Variants in DOCK1 observed in about 807,000 individuals in gnomAD.
The protein encoded by DOCK1 is dedicator of cytokinesis protein 1.
DOCK1 carries 138 observed loss-of-function variants against 262.7 expected under a neutral mutation model. That is an observed-to-expected ratio of 0.53 (90% CI 0.46 to 0.61). DOCK1 has a LOEUF of 0.61. DOCK1 is among the 20% of genes least tolerant of loss of function. DOCK1 has a pLI of 0.00. For synonymous variants in DOCK1, 866 were observed against 867.4 expected (o/e 1.00, Z 0.03); for missense variants, 1,908 against 2,370.7 (o/e 0.80, Z 4.05).
At chr10:127,328,868 A>T (rs1364245395) in intron 29 of DOCK1, among the ~76,000 whole-genome samples, 1 of 151,988 alleles carries the variant, frequency 6.6e-6, no homozygotes, top group Non-Finnish European at 1.5e-5. Flanking sequence ...TATGAGTCCC[A>T]TGCCTGCAGT....
intron 25 of DOCK1, among the ~76,000 whole-genome samples, chr10:127,110,901 A>T (rs2048826957): frequency 6.6e-6 from 1 of 152,138 alleles, no homozygotes; most frequent in Admixed American, 6.5e-5. Context: ...GGACAGATTA[A>T]ATTAATATTT....
intron 25 of DOCK1, among the ~76,000 whole-genome samples, chr10:127,121,380 TAGG>T (rs1443931509): frequency 6.6e-6 from 1 of 152,092 alleles, no homozygotes; most frequent in Non-Finnish European, 1.5e-5. Context: ...CATAGGAAGA[TAGG>T]AGATTCCTCT....
intron 27 of DOCK1, among the ~76,000 whole-genome samples, chr10:127,156,509 TCTTTTCTTTA>T (rs753036630): frequency 1.3e-5 from 2 of 151,888 alleles, no homozygotes; most frequent in Non-Finnish European, 1.5e-5. Context: ...TCTTTTCTTC[TCTTTTCTTTA>T]CTTTTCTTTT....
At chr10:126,996,678 G>A in intron 6 of DOCK1, 70 bp from the exon 7 acceptor site, 1 of 1,438,716 alleles carries the variant, frequency 7.0e-7, no homozygotes, top group African/African-American at 1.5e-5. Context: ...TTGCTGTGGT[G>A]GAAGTTGTGC....
intron 24 of DOCK1, among the ~76,000 whole-genome samples, chr10:127,107,976 ATTGACGCTCACAGTT>A (rs1295546144): frequency 1.3e-5 from 2 of 152,146 alleles, no homozygotes; most frequent in African/African-American, 4.8e-5. Context: ...GGAGGGTATC[ATTGACGCTCACAGTT>A]TGTGGTTGAG....
chr10:127,092,836 A>G (rs1213685432), intron 23 of DOCK1, among the ~76,000 whole-genome samples: 7 of 152,284 alleles, frequency 4.6e-5, no homozygotes, highest in Non-Finnish European at 8.8e-5. Flanking sequence ...CAGAATGAAA[A>G]TGGAAGGAAA....
At chr10:126,923,992 C>T (rs2033458579) in intron 1 of DOCK1, among the ~76,000 whole-genome samples, 1 of 152,204 alleles carries the variant, frequency 6.6e-6, no homozygotes, top group Non-Finnish European at 1.5e-5. Flanking sequence ...AAATGAATTT[C>T]CATTGTTTGT....
intron 7 of DOCK1, among the ~76,000 whole-genome samples, chr10:126,997,642 T>TAC (rs376034459): frequency 2.2e-4 from 33 of 151,810 alleles, no homozygotes; most frequent in East Asian, 1.2e-3. Flanking sequence ...TATATATATA[T>TAC]ACACACACAC....
In DOCK1 at chr10:127,448,332, G is replaced by A. The variant is rs1026888778; in HGVS notation, c.5565+787G>A. ...AAACAGCCCCTGGGCCTGCCTGCCCGTACAAATATTAGTCAAAGTCATGAA... is the reference window on the plus strand; with the variant it reads ...AAACAGCCCCTGGGCCTGCCTGCCCATACAAATATTAGTCAAAGTCATGAA... On this transcript the variant is annotated intron_variant, in intron 51 of 51. Coordinates refer to ENST00000623213, the MANE Select transcript of DOCK1 (RefSeq NM_001290223.2). Among the ~76,000 whole-genome samples the A allele has an allele frequency of 3.3e-5, 5 of 152,316 alleles. 1 individual carries two copies. The highest frequency in any genetic ancestry group is 7.2e-5 in the African/African-American group (3 of 41,572).
chr10:126,990,330 C>T (rs2039702224), intron 5 of DOCK1, 125 bp from the exon 6 acceptor site: 1 of 986,232 alleles, frequency 1.0e-6, no homozygotes, highest in African/African-American at 1.7e-5. Flanking sequence ...TTTAATTCAA[C>T]ATTAACTAAA....
chr10:127,132,830 C>G (rs2486967), intron 27 of DOCK1, among the ~76,000 whole-genome samples: 150,474 of 152,326 alleles, frequency 0.99, 74,324 homozygotes, highest in East Asian at 1. Flanking sequence ...GACTTCTAAA[C>G]ATTTTTCTTT....
At chr10:127,209,043 G>A (rs2057850890) in intron 27 of DOCK1, among the ~76,000 whole-genome samples, 1 of 152,058 alleles carries the variant, frequency 6.6e-6, no homozygotes, top group Admixed American at 6.6e-5. Flanking sequence ...TTTTTTTCAT[G>A]TGTGTTTAAC....
intron 23 of DOCK1, among the ~76,000 whole-genome samples, chr10:127,101,963 T>G (rs2048279858): frequency 6.6e-6 from 1 of 152,100 alleles, no homozygotes; most frequent in Non-Finnish European, 1.5e-5. Context: ...ACACTGAGGT[T>G]GTGGAAGCAG....
intron 27 of DOCK1, among the ~76,000 whole-genome samples, chr10:127,160,619 T>C (rs1029983998): frequency 6.6e-5 from 10 of 152,230 alleles, no homozygotes; most frequent in Non-Finnish European, 5.9e-5. Context: ...CTTCTAAGTG[T>C]GGTCTTCAAA....
chr10:126,906,418 C>A (rs1183638451), intron 1 of DOCK1, among the ~76,000 whole-genome samples: 2 of 152,210 alleles, frequency 1.3e-5, no homozygotes, highest in Non-Finnish European at 2.9e-5. Context: ...CCCACCTCTT[C>A]GTGATCTGCG....
chr10:127,199,605 T>A (rs2057364051), intron 27 of DOCK1, among the ~76,000 whole-genome samples: 1 of 152,204 alleles, frequency 6.6e-6, no homozygotes, highest in Non-Finnish European at 1.5e-5. Context: ...GTTTATGACA[T>A]GATTCCCTTT....
intron 27 of DOCK1, among the ~76,000 whole-genome samples, chr10:127,182,775 C>T (rs2055856000): frequency 6.6e-6 from 1 of 152,060 alleles, no homozygotes; most frequent in African/African-American, 2.4e-5. Flanking sequence ...TCCCTGCCTC[C>T]CTGTTTCCCA....
chr10:127,059,652 G>C (rs1292938180), intron 22 of DOCK1, among the ~76,000 whole-genome samples: 1 of 151,928 alleles, frequency 6.6e-6, no homozygotes. Context: ...TTTTTTCATA[G>C]ATTCATTTCT....
chr10:126,991,213 T>A (rs1591556472), intron 6 of DOCK1, among the ~76,000 whole-genome samples: 2 of 152,314 alleles, frequency 1.3e-5, no homozygotes, highest in Admixed American at 1.3e-4. Flanking sequence ...TGCTCACCCC[T>A]GCCTACAGCT....
Sources: gnomAD v4.1 joint callset for allele counts (sites outside exome capture counted in the v4.1 genomes callset) on GRCh38, gnomAD v4.1.1 for gene constraint, MANE v1.5 for transcripts, NCBI Gene and HGNC (gene_info 2026-07-23, HGNC 2026-07-21) for gene names.